The following POLR1C variants were observed in gnomAD, a reference collection of about 807,000 sequenced individuals.
The protein encoded by POLR1C is DNA-directed RNA polymerases I and III subunit RPAC1.
POLR1C carries 42 observed loss-of-function variants against 38.3 expected under a neutral mutation model. The observed-to-expected ratio is 1.10, with a 90% CI of 0.86 to 1.42. The LOEUF (loss-of-function observed/expected upper bound fraction) is 1.42, where lower values mean the gene tolerates loss of function less well. Ranked by LOEUF, POLR1C falls within the 40% of genes most tolerant of loss-of-function variation. The probability of loss-of-function intolerance (pLI) is 0.00; values close to 1 mark genes in which losing one functional copy is unlikely to be tolerated. For missense variants in POLR1C, 507 were observed against 450.5 expected (o/e 1.13, Z -1.14); for synonymous variants, 163 against 163.9 (o/e 0.99, Z 0.04).
At chr6:43,527,605 T>C (rs772818272) in intron 8 of POLR1C, 2 of 1,611,642 alleles carry the variant, frequency 1.2e-6, no homozygotes, top group Admixed American at 3.3e-5. Context: ...GAAAATCCTC[T>C]ATAGCCCCAG....
chr6:43,527,543 T>A, intron 8 of POLR1C: 1 of 1,296,956 alleles, frequency 7.7e-7, no homozygotes, highest in Admixed American at 1.8e-5. Context: ...ATGAATCCTT[T>A]GCATTAGTCA....
intron 8 of POLR1C, chr6:43,529,206 C>T (rs1479374132): frequency 1.4e-6 from 2 of 1,427,782 alleles, no homozygotes; most frequent in East Asian, 6.8e-5. Flanking sequence ...AGGAGGACAT[C>T]CTTGTAACAA....
At chr6:43,524,266 C>T (rs777595288), downstream of POLR1C, among the ~76,000 whole-genome samples, 4 of 150,978 alleles carry the variant, frequency 2.6e-5, no homozygotes, top group Non-Finnish European at 5.9e-5. Context: ...GCAGGAGAAT[C>T]GTTTGAACCT....
chr6:43,557,577 T>A (rs1428339075), intron 10 of POLR1C, among the ~76,000 whole-genome samples: 1 of 152,002 alleles, frequency 6.6e-6, no homozygotes, highest in Non-Finnish European at 1.5e-5. Context: ...GAAAGTAGAT[T>A]ACTGGTTGCC....
chr6:43,537,585 T>C (rs930270400), intron 9 of POLR1C, among the ~76,000 whole-genome samples: 2 of 152,206 alleles, frequency 1.3e-5, no homozygotes, highest in Non-Finnish European at 2.9e-5. Flanking sequence ...TACAAACATG[T>C]GGAGACTTAC....
intron 8 of POLR1C, chr6:43,527,549 A>G (rs1793677706): frequency 1.5e-6 from 2 of 1,350,430 alleles, no homozygotes; most frequent in East Asian, 4.6e-5. Context: ...CCTTTGCATT[A>G]GTCAGGCCTT....
At position 43,539,577 on chromosome 6, in the gene POLR1C, C is replaced by T; in HGVS notation, c.*4+10218C>T. The stretch of plus-strand genomic sequence containing the variant: ...CGAGCTCCGCGGCCTCAGCCCCGGC[C>T]CGGTCCACGGCTGCGACCCCGGCCC... On this transcript the variant is annotated intron_variant, in intron 9 of 10. Transcript: ENST00000607635. 1.5e-6 allele frequency: 2 copies of T among 1,360,354 alleles called. 1 individual carries two copies. Among genetic ancestry groups the T allele is most frequent in the South Asian group, 2.4e-5 (2 of 84,364 alleles). The allele number at this position is 1,360,354 out of a possible 1,614,324, so 84.3% of individuals were successfully genotyped here. A position where few individuals can be genotyped will look rare whatever the true frequency, so the allele number is the denominator to read the frequency against.
intron 9 of POLR1C, chr6:43,538,771 CT>C (rs539083995): frequency 0.039 from 19,228 of 497,362 alleles, 5 homozygotes; most frequent in Middle Eastern, 0.06. Context: ...CTACATTTTT[CT>C]TTTTTTTTTT....
At chr6:43,521,589 A>G (rs1793193335), downstream of POLR1C, 5 of 639,674 alleles carry the variant, frequency 7.8e-6, no homozygotes, top group South Asian at 3.9e-5. Flanking sequence ...CAGTGGTGCA[A>G]TCTCAGCTCA....
Position 43,526,699 on chromosome 6 carries a change from G to C in POLR1C, c.923-2550G>C, listed in dbSNP as rs982466746. 3.0e-5 allele frequency: 48 copies of C among 1,613,906 alleles called. No individual in the cohort carries two copies. Among genetic ancestry groups the C allele is most frequent in the Non-Finnish European group, 4.1e-5 (48 of 1,179,842 alleles). On this transcript the variant is annotated intron_variant, in intron 8 of 8. Transcript: ENST00000304004. ...GGCTCACTTACCGTCTCCATCTGCT[G>C]GGGGAGCACTACTGTGGTCAGCACC...
rs138813158 is a variant in POLR1C, at chr6:43,534,757, G to A, written c.*4+5398G>A. Among the ~76,000 whole-genome samples, 248 of 152,236 alleles carry A rather than the reference G, an allele frequency of 1.6e-3. 6 individuals are homozygous for A. The highest frequency in any genetic ancestry group is 5.5e-3 in the African/African-American group (230 of 41,548). On this transcript the variant is annotated intron_variant, in intron 9 of 10. Transcript: ENST00000607635. The stretch of plus-strand genomic sequence containing the variant: ...TCACGCCTATAATCCCAGTACTTTG[G>A]GAGGCCGAGGCTGGCGAATTACCTG...
chr6:43,534,135 AAAG>A (rs1794168808), downstream of POLR1C: 1 of 596,412 alleles, frequency 1.7e-6, no homozygotes, highest in African/African-American at 1.9e-5. Context: ...AGGGGAAAGA[AAAG>A]AAGGTATAAA....
At chr6:43,542,792 A>C (rs1199136976) in intron 9 of POLR1C, among the ~76,000 whole-genome samples, 1 of 152,194 alleles carries the variant, frequency 6.6e-6, no homozygotes, top group Non-Finnish European at 1.5e-5. Context: ...TAGTATAACC[A>C]CTTTAAAAAG....
chr6:43,558,662 G>A (rs1373658944), intron 10 of POLR1C: 18 of 1,159,388 alleles, frequency 1.6e-5, no homozygotes, highest in Admixed American at 5.9e-5. Flanking sequence ...AGCTTCAGGA[G>A]TTCAAGCACT....
chr6:43,533,268 A>C (rs1446539051), downstream of POLR1C: 1 of 150,330 alleles, frequency 6.7e-6, no homozygotes, highest in African/African-American at 2.5e-5. Context: ...ACACACGAGG[A>C]GGCAGGAAAG....
At chr6:43,553,051 T>C (rs1795326753) in intron 10 of POLR1C, among the ~76,000 whole-genome samples, 1 of 149,214 alleles carries the variant, frequency 6.7e-6, no homozygotes, top group Non-Finnish European at 1.5e-5. Flanking sequence ...TAGTGGGTCA[T>C]GCCCGCAATC....
chr6:43,522,602 G>C (rs998638441), downstream of POLR1C: 6 of 370,878 alleles, frequency 1.6e-5, no homozygotes, highest in East Asian at 3.4e-4. Flanking sequence ...AGCAACACAA[G>C]ACTCCCAACT....
At chr6:43,527,955 C>T (rs901771073) in intron 8 of POLR1C, among the ~76,000 whole-genome samples, 2 of 152,230 alleles carry the variant, frequency 1.3e-5, no homozygotes, top group Admixed American at 1.3e-4. Flanking sequence ...AGTAAGGTAA[C>T]AGTAGCCCCT....
At chr6:43,529,909 C>CAAAAAAAAA (rs1191727799), downstream of POLR1C, among the ~76,000 whole-genome samples, 4 of 97,540 alleles carry the variant, frequency 4.1e-5, no homozygotes, top group South Asian at 3.4e-4. Flanking sequence ...GACCCTGTCT[C>CAAAAAAAAA]AAAAAAAAAA....
Sources: gnomAD v4.1 joint callset for allele counts (sites outside exome capture counted in the v4.1 genomes callset) on GRCh38, gnomAD v4.1.1 for gene constraint, MANE v1.5 for transcripts, NCBI Gene and HGNC (gene_info 2026-07-23, HGNC 2026-07-21) for gene names.